The following PRKG1 variants were observed in gnomAD, a reference collection of about 807,000 sequenced individuals.
PRKG1 encodes protein kinase cGMP-dependent 1, also known as cGMP-dependent protein kinase 1.
In PRKG1, 35 loss-of-function variants were observed where a neutral mutation model predicts 88.1. The ratio of observed to expected loss-of-function variants is 0.40; its 90% CI spans 0.30 to 0.53. PRKG1 has a LOEUF of 0.53. Among genes scored for constraint, PRKG1 ranks in the 20% least tolerant of loss-of-function variants. The pLI is 0.59. For missense variants in PRKG1, 540 were observed against 839.8 expected, an observed-to-expected ratio of 0.64 and a Z score of 4.41; for synonymous variants, 303 against 292.5, an observed-to-expected ratio of 1.04 and a Z score of -0.37.
intron 3 of PRKG1, among the ~76,000 whole-genome samples, chr10:51,679,918 G>A (rs1289582490): frequency 7.6e-6 from 1 of 132,054 alleles, no homozygotes; most frequent in African/African-American, 2.9e-5. Context: ...ATAACTTAAG[G>A]CCAATTAACG....
intron 7 of PRKG1, among the ~76,000 whole-genome samples, chr10:52,066,922 T>C (rs10824010): frequency 0.36 from 54,706 of 152,012 alleles, 10,161 homozygotes; most frequent in East Asian, 0.65. Context: ...GCCTATTAAC[T>C]CATCTTGATT....
chr10:51,421,175 T>C (rs1053817778), intron 2 of PRKG1, among the ~76,000 whole-genome samples: 6 of 152,146 alleles, frequency 3.9e-5, no homozygotes, highest in African/African-American at 1.4e-4. Flanking sequence ...TTTGTTTGTT[T>C]GTTTGTTTGT....
At chr10:50,993,535 C>G (rs901829496) in intron 1 of PRKG1, among the ~76,000 whole-genome samples, 3 of 152,248 alleles carry the variant, frequency 2.0e-5, no homozygotes, top group African/African-American at 7.2e-5. Flanking sequence ...CGCTCAGCAG[C>G]TGGAATCAAT....
At chr10:52,134,991 A>C (rs1239694486) in intron 8 of PRKG1, among the ~76,000 whole-genome samples, 1 of 152,148 alleles carries the variant, frequency 6.6e-6, no homozygotes, top group African/African-American at 2.4e-5. Context: ...TTTACTGAGA[A>C]TCTCCCATGT....
At chr10:51,392,547 G>C (rs1042042773) in intron 2 of PRKG1, among the ~76,000 whole-genome samples, 25 of 151,868 alleles carry the variant, frequency 1.6e-4, no homozygotes, top group African/African-American at 6.0e-4. Context: ...ACACAGACAC[G>C]GCAACCATCC....
chr10:51,398,206 G>A (rs1396555476), intron 2 of PRKG1, among the ~76,000 whole-genome samples: 2 of 152,160 alleles, frequency 1.3e-5, no homozygotes, highest in Non-Finnish European at 2.9e-5. Flanking sequence ...ATGGGACAGG[G>A]TTGGGTGGGG....
intron 2 of PRKG1, among the ~76,000 whole-genome samples, chr10:51,199,449 C>T (rs953241064): frequency 6.6e-6 from 1 of 152,172 alleles, no homozygotes; most frequent in Non-Finnish European, 1.5e-5. Context: ...GATCCAGACT[C>T]TAGAAAATTC....
At chr10:51,730,892 A>G (rs1235207829) in intron 3 of PRKG1, among the ~76,000 whole-genome samples, 4 of 152,234 alleles carry the variant, frequency 2.6e-5, no homozygotes, top group Non-Finnish European at 5.9e-5. Flanking sequence ...GCAGTGGCTC[A>G]TGCCTGTAAT....
chr10:52,208,538 G>A (rs151235916), intron 9 of PRKG1, among the ~76,000 whole-genome samples: 24 of 152,236 alleles, frequency 1.6e-4, no homozygotes, highest in African/African-American at 5.3e-4. Context: ...CTTTAAATCA[G>A]CATTACCAAA....
At chr10:52,021,854 A>G (rs1028092492) in intron 5 of PRKG1, among the ~76,000 whole-genome samples, 5 of 152,238 alleles carry the variant, frequency 3.3e-5, no homozygotes, top group African/African-American at 4.8e-5. Context: ...TTGTGACAGG[A>G]TAAGAGTCAA....
At chr10:51,327,593 G>A (rs984106487) in intron 2 of PRKG1, among the ~76,000 whole-genome samples, 1 of 152,080 alleles carries the variant, frequency 6.6e-6, no homozygotes, top group African/African-American at 2.4e-5. Flanking sequence ...ATTTTATTGT[G>A]CAGACATCAT....
intron 1 of PRKG1, among the ~76,000 whole-genome samples, chr10:51,103,650 T>A (rs760034737): frequency 5.9e-5 from 9 of 152,124 alleles, no homozygotes; most frequent in Non-Finnish European, 1.3e-4. Flanking sequence ...GGGATCCGGA[T>A]GAGCTGAATC....
chr10:51,829,906 C>T (rs1269206187), intron 4 of PRKG1, among the ~76,000 whole-genome samples: 1 of 152,170 alleles, frequency 6.6e-6, no homozygotes, highest in Admixed American at 6.6e-5. Context: ...TCTATGCCAA[C>T]TTTTCAAATT....
intron 5 of PRKG1, among the ~76,000 whole-genome samples, chr10:51,952,637 C>T (rs946158989): frequency 2.6e-5 from 4 of 151,990 alleles, no homozygotes; most frequent in Admixed American, 2.6e-4. Flanking sequence ...ATAATATTAG[C>T]AGTAGTTTTT....
rs182258389 is a variant in PRKG1 at position 51,236,311 on chromosome 10, A to G, written c.478+82981A>G. 5.7e-3 allele frequency among the ~76,000 whole-genome samples: 866 copies of G among 152,168 alleles called. 10 individuals are homozygous for G. Among genetic ancestry groups the G allele is most frequent in the Non-Finnish European group, 7.6e-3 (520 of 68,000 alleles). On this transcript the variant is annotated intron_variant, in intron 2 of 17. Transcript: ENST00000373980. The stretch of plus-strand genomic sequence containing the variant: ...CTGTTATACTGATAATTCAAATGCC[A>G]TTTTATATTATTTTTATACACAGTG...
intron 2 of PRKG1, among the ~76,000 whole-genome samples, chr10:51,182,953 G>A (rs996586230): frequency 6.6e-6 from 1 of 152,098 alleles, no homozygotes; most frequent in African/African-American, 2.4e-5. Context: ...TGGGAAAAAA[G>A]TAGAATCACA....
rs749095968 is a variant in PRKG1 at position 50,991,347 on chromosome 10, GA to G, written c.-27del. 1.8e-4 allele frequency: 272 copies of G among 1,478,416 alleles called. No individual in the cohort carries two copies. The highest frequency in any genetic ancestry group is 2.4e-4 in the Non-Finnish European group (263 of 1,115,274). The allele number at this position is 1,478,416 out of a possible 1,614,324, so 91.6% of individuals were successfully genotyped here. A position where few individuals can be genotyped will look rare whatever the true frequency, so the allele number is the denominator to read the frequency against. On this transcript the variant is annotated 5_prime_UTR_variant, in exon 1 of 18. Transcript: ENST00000401604. The surrounding 1 kb of genome is among the most constrained non-coding windows in gnomAD (Gnocchi z 4.5). The stretch of plus-strand genomic sequence containing the variant: ...CGCCGCCGCCGCCGCCGCCGCCCGA[GA>G]AAAAGTTTCGCGGAGGGGCTCAGTG...
At chr10:51,785,798 T>C (rs920293098) in intron 3 of PRKG1, among the ~76,000 whole-genome samples, 5 of 152,110 alleles carry the variant, frequency 3.3e-5, no homozygotes, top group Non-Finnish European at 7.4e-5. Flanking sequence ...GATAAGGACA[T>C]AGTATGATTA....
intron 3 of PRKG1, among the ~76,000 whole-genome samples, chr10:51,719,786 T>C (rs1841969444): frequency 6.6e-6 from 1 of 152,182 alleles, no homozygotes; most frequent in Non-Finnish European, 1.5e-5. Flanking sequence ...TCAGAACTTT[T>C]CTGTAAATCT....
Sources: allele counts gnomAD v4.1 joint callset (sites outside exome capture counted in the v4.1 genomes callset), GRCh38; gene constraint gnomAD v4.1.1; non-coding constraint Gnocchi (gnomAD v3.1); transcripts MANE v1.5; gene names NCBI Gene and HGNC (gene_info 2026-07-23, HGNC 2026-07-21).